NAV2: variants seen among roughly 807,000 people sequenced by gnomAD.
NAV2 encodes helicase, APC down-regulated 1.
NAV2 carries 54 observed loss-of-function variants against 223.2 expected under a neutral mutation model. That is an observed-to-expected ratio of 0.24 (90% CI 0.19 to 0.30). NAV2 has a LOEUF of 0.30. Ranked by LOEUF, NAV2 falls within the 10% of genes least tolerant of loss-of-function variation. The pLI is 1.00. For synonymous variants in NAV2, 1,279 were observed against 1,239.3 expected, an observed-to-expected ratio of 1.03 and a Z score of -0.67; for missense variants, 2,806 against 3,147.5, an observed-to-expected ratio of 0.89 and a Z score of 2.60.
chr11:19,976,013 C>T (rs901984306), intron 10 of NAV2, among the ~76,000 whole-genome samples: 1 of 152,112 alleles, frequency 6.6e-6, no homozygotes, highest in Non-Finnish European at 1.5e-5. Context: ...TATATATGTG[C>T]CATGCTATTG....
At chr11:19,575,782 G>T (rs954053184) in intron 1 of NAV2, among the ~76,000 whole-genome samples, 5 of 152,194 alleles carry the variant, frequency 3.3e-5, no homozygotes, top group African/African-American at 1.2e-4. Flanking sequence ...TGCAGCTACA[G>T]GACCTAGCAT....
intron 1 of NAV2, among the ~76,000 whole-genome samples, chr11:19,459,684 G>A (rs1382440682): frequency 6.6e-6 from 1 of 152,222 alleles, no homozygotes; most frequent in African/African-American, 2.4e-5. Flanking sequence ...TGGTTGTGTG[G>A]AGGTGAGTTT....
intron 1 of NAV2, among the ~76,000 whole-genome samples, chr11:19,507,612 A>AGG (rs1564996937): frequency 6.6e-6 from 1 of 152,210 alleles, no homozygotes; most frequent in African/African-American, 2.4e-5. Context: ...CCAAAGTTGG[A>AGG]GGAACATTGA....
intron 1 of NAV2, among the ~76,000 whole-genome samples, chr11:19,657,164 T>A (rs1378243877): frequency 1.3e-5 from 2 of 151,988 alleles, no homozygotes; most frequent in African/African-American, 4.8e-5. Context: ...CTAGAAAGTA[T>A]GGATAGAGAT....
intron 1 of NAV2, among the ~76,000 whole-genome samples, chr11:19,602,233 A>AGT (rs1345475125): frequency 3.6e-5 from 5 of 140,112 alleles, no homozygotes; most frequent in Admixed American, 7.8e-5. Flanking sequence ...GCTGGAATGC[A>AGT]GCGGCGTGAC....
At chr11:19,624,406 G>T (rs1382731727) in intron 1 of NAV2, among the ~76,000 whole-genome samples, 1 of 152,348 alleles carries the variant, frequency 6.6e-6, no homozygotes, top group East Asian at 1.9e-4. Context: ...GAGCTGCTCA[G>T]TTCGAGCTTC....
Position 19,777,788 on chromosome 11 carries a change from C to T in NAV2, c.268-54696C>T, listed in dbSNP as rs1436892744. 20 of 443,634 alleles carry T rather than the reference C, an allele frequency of 4.5e-5. No individual in the cohort carries two copies. The East Asian group carries it at 5.0e-4, about 11-fold the overall frequency. The allele number at this position is 443,634 out of a possible 1,614,324, so 27.5% of individuals were successfully genotyped here. A position where few individuals can be genotyped will look rare whatever the true frequency, so the allele number is the denominator to read the frequency against. On this transcript the variant is annotated intron_variant, in intron 1 of 37. Coordinates refer to ENST00000349880, the MANE Select transcript of NAV2 (RefSeq NM_145117.5). ...ATTATCTCTCCGTCCCTTCCACCTA[C>T]GAATTCCTGGAGCTCTCTTGGATTG...
At chr11:19,927,886 T>C (rs2044933343) in intron 6 of NAV2, among the ~76,000 whole-genome samples, 1 of 152,222 alleles carries the variant, frequency 6.6e-6, no homozygotes, top group South Asian at 2.1e-4. Context: ...GTTTTTACTA[T>C]GTGGTCAAAA....
chr11:20,003,580 C>G (rs1279020098), intron 11 of NAV2, among the ~76,000 whole-genome samples: 2 of 152,066 alleles, frequency 1.3e-5, no homozygotes, highest in East Asian at 3.9e-4. Flanking sequence ...ACACCCACTT[C>G]CCTCCATCTC....
intron 22 of NAV2, among the ~76,000 whole-genome samples, chr11:20,070,006 T>C (rs1051954042): frequency 6.6e-6 from 1 of 152,172 alleles, no homozygotes; most frequent in Non-Finnish European, 1.5e-5. Context: ...AAATCTTTGA[T>C]TTTTTTAAAA....
At chr11:19,349,541 C>T (rs570927965), upstream of NAV2, among the ~76,000 whole-genome samples, 2 of 152,276 alleles carry the variant, frequency 1.3e-5, no homozygotes, top group African/African-American at 2.4e-5. Context: ...GCAGCTCTCC[C>T]GGAGGCTGGC....
At chr11:19,709,313 C>T (rs1015021451), upstream of NAV2, among the ~76,000 whole-genome samples, 14 of 152,032 alleles carry the variant, frequency 9.2e-5, no homozygotes, top group East Asian at 1.9e-4. Flanking sequence ...GAGGCCAAGG[C>T]GGGCGAATCA....
intron 1 of NAV2, among the ~76,000 whole-genome samples, chr11:19,607,441 G>A (rs987730485): frequency 2.0e-5 from 3 of 152,218 alleles, no homozygotes; most frequent in African/African-American, 7.2e-5. Flanking sequence ...GCCTTTCTAA[G>A]TGGAGCTAGG....
rs557851331 is a variant in NAV2 at position 20,105,811 on chromosome 11, A to C, written c.6841+84A>C. The C allele has an allele frequency of 2.4e-5, 26 of 1,077,912 alleles. No homozygotes were observed. The South Asian group carries it at 3.6e-4, about 15-fold the overall frequency. 66.8% of individuals were successfully genotyped at this position (1,077,912 alleles called of 1,614,324 possible). ...GGCCCTGGCCAGGACAGCACTTTGCAGGCACAGTCAGCAGAAGCTGGACTG... is the reference window on the plus strand; with the variant it reads ...GGCCCTGGCCAGGACAGCACTTTGCCGGCACAGTCAGCAGAAGCTGGACTG... On this transcript the variant is annotated intron_variant, in intron 35 of 37. Transcript: ENST00000349880.
At chr11:19,812,385 A>G (rs2058878878) in intron 1 of NAV2, among the ~76,000 whole-genome samples, 1 of 151,994 alleles carries the variant, frequency 6.6e-6, no homozygotes, top group Non-Finnish European at 1.5e-5. Context: ...TCTCTAATGC[A>G]TCTTCATAGC....
At chr11:20,094,447 C>T (rs1240615304) in intron 29 of NAV2, among the ~76,000 whole-genome samples, 7 of 151,918 alleles carry the variant, frequency 4.6e-5, no homozygotes, top group Non-Finnish European at 1.0e-4. Flanking sequence ...CCAGGCTGGT[C>T]TCAAACTCCC....
At chr11:19,919,867 C>T (rs1033998687) in intron 6 of NAV2, among the ~76,000 whole-genome samples, 3 of 152,166 alleles carry the variant, frequency 2.0e-5, no homozygotes, top group African/African-American at 7.2e-5. Flanking sequence ...GACACGGTGG[C>T]TCACGCCTGT....
At chr11:19,685,213 C>G (rs2048990225) in intron 1 of NAV2, among the ~76,000 whole-genome samples, 1 of 152,186 alleles carries the variant, frequency 6.6e-6, no homozygotes, top group African/African-American at 2.4e-5. Flanking sequence ...CCTGCCCTCT[C>G]AGTTCAGAAG....
At chr11:19,824,798 T>C (rs1313245963) in intron 1 of NAV2, among the ~76,000 whole-genome samples, 1 of 152,206 alleles carries the variant, frequency 6.6e-6, no homozygotes, top group Non-Finnish European at 1.5e-5. Context: ...GATGCAGGAA[T>C]GAATGTGTCA....
Sources: allele counts gnomAD v4.1 joint callset (sites outside exome capture counted in the v4.1 genomes callset), GRCh38; gene constraint gnomAD v4.1.1; transcripts MANE v1.5; gene names NCBI Gene and HGNC (gene_info 2026-07-23, HGNC 2026-07-21).